The following CDH4 variants were observed in gnomAD, a reference collection of about 807,000 sequenced individuals.
CDH4 encodes cadherin-4.
In CDH4, 33 loss-of-function variants were observed where a neutral mutation model predicts 86.0. That is an observed-to-expected ratio of 0.38 (90% confidence interval 0.29 to 0.51). The LOEUF (loss-of-function observed/expected upper bound fraction) is 0.51. Ranked by LOEUF, CDH4 falls within the 20% of genes least tolerant of loss-of-function variation. CDH4 has a pLI of 0.86. For synonymous variants in CDH4, 555 were observed against 549.4 expected (o/e 1.01, Z -0.14); for missense variants, 1,114 against 1,307.4 (o/e 0.85, Z 2.28).
At chr20:61,638,430 A>T (rs936257431) in intron 2 of CDH4, among the ~76,000 whole-genome samples, 2 of 152,198 alleles carry the variant, frequency 1.3e-5, no homozygotes, top group Non-Finnish European at 2.9e-5. Flanking sequence ...AAGGGTGTTA[A>T]AAGCATAGGA....
chr20:61,802,558 AAAC>A (rs1979883895), intron 4 of CDH4, among the ~76,000 whole-genome samples: 1 of 152,230 alleles, frequency 6.6e-6, no homozygotes, highest in Non-Finnish European at 1.5e-5. Flanking sequence ...GGGAAAAAAA[AAAC>A]AACTGTCTCC....
chr20:61,323,863 G>A (rs1020961395), intron 2 of CDH4, among the ~76,000 whole-genome samples: 8 of 152,162 alleles, frequency 5.3e-5, no homozygotes, highest in African/African-American at 1.9e-4. Context: ...TCCCTGTTGG[G>A]GAAATTGAGA....
chr20:61,351,424 T>C (rs1329222531), intron 2 of CDH4, among the ~76,000 whole-genome samples: 1 of 152,186 alleles, frequency 6.6e-6, no homozygotes, highest in Non-Finnish European at 1.5e-5. Context: ...GATTTTGGCA[T>C]GCACGGTGGT....
chr20:61,768,245 T>C (rs1401947074), intron 3 of CDH4, among the ~76,000 whole-genome samples: 2 of 152,148 alleles, frequency 1.3e-5, no homozygotes, highest in Non-Finnish European at 2.9e-5. Flanking sequence ...TGTGCATGTG[T>C]AGAATGCATA....
chr20:61,918,375 G>A (rs6061893), intron 9 of CDH4, among the ~76,000 whole-genome samples: 9,864 of 152,264 alleles, frequency 0.065, 1,085 homozygotes, highest in African/African-American at 0.22. Context: ...ATGGGCCTGG[G>A]CAGTGGTGGT....
intron 2 of CDH4, among the ~76,000 whole-genome samples, chr20:61,735,320 C>T (rs957813207): frequency 6.6e-6 from 1 of 152,224 alleles, no homozygotes; most frequent in African/African-American, 2.4e-5. Flanking sequence ...TCCCCATTTT[C>T]AGGCATACAA....
intron 7 of CDH4, among the ~76,000 whole-genome samples, chr20:61,880,358 C>A (rs995372708): frequency 6.6e-6 from 1 of 152,160 alleles, no homozygotes; most frequent in African/African-American, 2.4e-5. Flanking sequence ...TTTGAAGACA[C>A]CGAATATGGC....
intron 8 of CDH4, among the ~76,000 whole-genome samples, chr20:61,899,147 A>T (rs1005580087): frequency 4.5e-4 from 68 of 151,714 alleles, no homozygotes; most frequent in Admixed American, 5.9e-4. Flanking sequence ...TATATATTTT[A>T]AAAAAAAATT....
At chr20:61,650,919 C>A (rs528093696) in intron 2 of CDH4, among the ~76,000 whole-genome samples, 1 of 152,366 alleles carries the variant, frequency 6.6e-6, no homozygotes, top group South Asian at 2.1e-4. Flanking sequence ...TCTTCAGTGG[C>A]CCCATATTTA....
At chr20:61,468,070 A>G (rs1482879807) in intron 2 of CDH4, among the ~76,000 whole-genome samples, 1 of 152,188 alleles carries the variant, frequency 6.6e-6, no homozygotes, top group Non-Finnish European at 1.5e-5. Context: ...TTGCCAGTGA[A>G]GGAGGCTCAC....
chr20:61,545,897 ATGTGTGTGTGTGGAGGGGTG>A (rs2086076370), intron 2 of CDH4, among the ~76,000 whole-genome samples: 1 of 95,766 alleles, frequency 1.0e-5, no homozygotes, highest in African/African-American at 4.2e-5. Context: ...ATGTGTTCGT[ATGTGTGTGTGTGGAGGGGTG>A]TGTGTGCATG....
chr20:61,572,017 T>G (rs1407426580), intron 2 of CDH4, among the ~76,000 whole-genome samples: 1 of 152,048 alleles, frequency 6.6e-6, no homozygotes, highest in Non-Finnish European at 1.5e-5. Flanking sequence ...CCCAGGGACC[T>G]CTGCCTTAGA....
chr20:61,865,571 G>A (rs557487860), intron 6 of CDH4, among the ~76,000 whole-genome samples: 1 of 152,054 alleles, frequency 6.6e-6, no homozygotes, highest in East Asian at 1.9e-4. Flanking sequence ...GCTGGTTAGT[G>A]TAGATGATAG....
intron 2 of CDH4, among the ~76,000 whole-genome samples, chr20:61,275,048 G>A (rs1243920762): frequency 4.3e-5 from 6 of 141,162 alleles, no homozygotes; most frequent in Middle Eastern, 4.4e-3. Context: ...ACAGTTTGGG[G>A]GAGTACCGTG....
chr20:61,630,206 C>T (rs2086872791), intron 2 of CDH4, among the ~76,000 whole-genome samples: 1 of 152,220 alleles, frequency 6.6e-6, no homozygotes, highest in Admixed American at 6.5e-5. Flanking sequence ...TGCCAGCTGC[C>T]AGTTATGCCT....
rs2087446448 is a variant in CDH4, at chr20:61,676,551, T to G, written c.170-67012T>G. 6.6e-6 allele frequency among the ~76,000 whole-genome samples: 1 copy of G among 152,096 alleles called. No homozygotes were observed. Among genetic ancestry groups the G allele is most frequent in the African/African-American group, 2.4e-5 (1 of 41,408 alleles). ...AACTCCTTGTCTGCAGGGATGGGTCTGCTTGGAGACCCCGGGTCAGGCTGT... is the reference window on the plus strand; with the variant it reads ...AACTCCTTGTCTGCAGGGATGGGTCGGCTTGGAGACCCCGGGTCAGGCTGT... On this transcript the variant is annotated intron_variant, in intron 2 of 15. Transcript: ENST00000614565. This position sits in a 1 kb window ranked among gnomAD's most constrained non-coding sequence, Gnocchi z 4.5.
intron 3 of CDH4, among the ~76,000 whole-genome samples, chr20:61,763,914 G>C (rs2088668627): frequency 6.6e-6 from 1 of 152,112 alleles, no homozygotes. Flanking sequence ...CCTTAACACT[G>C]TTTTTTTCTT....
chr20:61,706,180 T>C (rs6061756), intron 2 of CDH4, among the ~76,000 whole-genome samples: 121,819 of 152,188 alleles, frequency 0.8, 50,369 homozygotes, highest in Non-Finnish European at 0.91. Context: ...GTAAAACTTT[T>C]CCAGCTGCGT....
In CDH4 at chr20:61,918,811, C is replaced by T. The variant is rs1297262279; in HGVS notation, c.1375-4640C>T. ...CCCTGCAGACCCTCCTGGAGGCAGT[C>T]ATGGGCTTCCAGGAGCCACCGTCTC... On this transcript the variant is annotated intron_variant, in intron 9 of 15. Coordinates refer to ENST00000614565, the MANE Select transcript of CDH4 (RefSeq NM_001794.5). Among the ~76,000 whole-genome samples the T allele has an allele frequency of 2.0e-5, 3 of 152,194 alleles. No individual in the cohort carries two copies. In the East Asian group the frequency reaches 5.8e-4, roughly 29 times the overall value.
Sources: gnomAD v4.1 joint callset for allele counts (sites outside exome capture counted in the v4.1 genomes callset) on GRCh38, gnomAD v4.1.1 for gene constraint, Gnocchi (gnomAD v3.1) non-coding constraint, MANE v1.5 for transcripts, NCBI Gene and HGNC (gene_info 2026-07-23, HGNC 2026-07-21) for gene names.